The following ATP6V1B1 variants were observed in gnomAD, a reference collection of about 807,000 sequenced individuals.
The protein encoded by ATP6V1B1 is V-type proton ATPase subunit B, kidney isoform.
Under a neutral mutation model 62.1 loss-of-function variants are expected in ATP6V1B1, and 41 were observed. That is an observed-to-expected ratio of 0.66 (90% CI 0.51 to 0.86). ATP6V1B1 has a LOEUF of 0.86. Among genes scored for constraint, ATP6V1B1 ranks in the 40% least tolerant of loss-of-function variants. The probability of loss-of-function intolerance (pLI) is 0.00; values close to 1 mark genes in which losing one functional copy is unlikely to be tolerated. For synonymous variants in ATP6V1B1, 253 were observed against 273.4 expected (o/e 0.93, Z 0.74); for missense variants, 651 against 697.5 (o/e 0.93, Z 0.75).
rs181348813 is a variant in ATP6V1B1 at position 70,963,520 on chromosome 2, G to T, written c.1061-52G>T. On this transcript the variant is annotated intron_variant, in intron 10 of 13. Transcript: ENST00000234396. This position sits in a 1 kb window ranked among gnomAD's most constrained non-coding sequence, Gnocchi z 4.3. ...AAACAGACCCCAGGTGGCCCTGAGT[G>T]GTTGGAGACCTGGGCCCCCACCCAC... 1.4e-5 allele frequency: 22 copies of T among 1,583,242 alleles called. No homozygotes were observed. The Admixed American group carries it at 2.2e-4, about 16-fold the overall frequency.
Position 70,965,114 on chromosome 2 carries a change from C to A in ATP6V1B1, c.1535C>A (p.Ala512Glu). ...GALQDLAPDT[A>E]L ...CTGCAGGACCTCGCGCCTGACACTG[C>A]GCTCTAGCCCCGCGCGCCGTGGCAC... Residue 512 changes from alanine (A) to glutamate (E), a missense_variant, in exon 14 of 14, where the codon GCG becomes GAG. Coordinates refer to ENST00000234396, the MANE Select transcript of ATP6V1B1 (RefSeq NM_001692.4). The A allele has an allele frequency of 6.2e-7, 1 of 1,610,074 alleles. No individual in the cohort carries two copies. Among genetic ancestry groups the A allele is most frequent in the African/African-American group, 1.3e-5 (1 of 75,032 alleles).
intron 8 of ATP6V1B1, among the ~76,000 whole-genome samples, chr2:70,962,155 A>T (rs1009576055): frequency 6.6e-6 from 1 of 152,142 alleles, no homozygotes; most frequent in Non-Finnish European, 1.5e-5. Context: ...GACATCCCCA[A>T]GGGGAAGAGC....
chr2:70,965,361 T>G lies in ATP6V1B1; in HGVS notation c.*240T>G. 1 of 593,800 alleles carries G rather than the reference T, an allele frequency of 1.7e-6. No homozygotes were observed. Among genetic ancestry groups the G allele is most frequent in the Non-Finnish European group, 3.0e-6 (1 of 335,646 alleles). 36.8% of individuals were successfully genotyped at this position (593,800 alleles called of 1,614,324 possible). On this transcript the variant is annotated 3_prime_UTR_variant, in exon 14 of 14. Coordinates refer to ENST00000234396, the MANE Select transcript of ATP6V1B1 (RefSeq NM_001692.4). The stretch of plus-strand genomic sequence containing the variant: ...AACTGAAGGTTGCGATGCCTTACTC[T>G]GACGGGAGCATCTGTATTTTTATGT...
chr2:70,945,699 GAGATATATATATATATATATATATATAT>G (rs1383440544), intron 2 of ATP6V1B1, among the ~76,000 whole-genome samples: 8 of 70,114 alleles, frequency 1.1e-4, no homozygotes, highest in African/African-American at 1.5e-4. Flanking sequence ...GCTATTTGAA[GAGATATATATATATATATATATATATAT>G]ATATATATAT....
At chr2:70,954,418 T>C (rs75176658) in intron 2 of ATP6V1B1, among the ~76,000 whole-genome samples, 3,996 of 152,344 alleles carry the variant, frequency 0.026, 80 homozygotes, top group Middle Eastern at 0.041. Context: ...AACTTACTTT[T>C]ATGGTCAGAG....
intron 2 of ATP6V1B1, among the ~76,000 whole-genome samples, chr2:70,952,641 TC>T (rs1387711747): frequency 2.0e-5 from 3 of 152,302 alleles, no homozygotes; most frequent in Admixed American, 2.0e-4. Flanking sequence ...AGTCTTGCAT[TC>T]TTGGATTAAA....
Position 70,962,900 on chromosome 2 carries a change from G to A in ATP6V1B1, c.909G>A (p.Glu303=), listed in dbSNP as rs782617757. 3 of 1,613,954 alleles carry A rather than the reference G, an allele frequency of 1.9e-6. No individual in the cohort carries two copies. The East Asian group carries it at 6.7e-5, about 36-fold the overall frequency. ...DMSSYAEALR[E]VSAAREEVPG... ...GTTCCTATGCAGAGGCCTTGCGGGA[G>A]GTAAGCTGGCTAGCAAGGGGTGTCA... Residue 303 remains glutamate, a splice_region_variant and synonymous_variant, in exon 9 of 14, where the codon GAG becomes GAA. Transcript: ENST00000234396.
intron 1 of ATP6V1B1, chr2:70,943,416 C>A (rs1680056440): frequency 1.5e-6 from 1 of 654,516 alleles, no homozygotes; most frequent in Non-Finnish European, 2.8e-6. Flanking sequence ...TCTGAGGAGG[C>A]CTCTGCCCTC....
rs1386646570 is a variant in ATP6V1B1 at position 70,964,203 on chromosome 2, G to A, written c.1144-235G>A. On this transcript the variant is annotated intron_variant, in intron 11 of 13. Transcript: ENST00000234396. The stretch of plus-strand genomic sequence containing the variant: ...ATTATCAAAAGTTTTGAAATACTGA[G>A]CCTTTTATTAACTAATGCCATGTCA... 5 of 435,532 alleles carry A rather than the reference G, an allele frequency of 1.1e-5. No individual in the cohort carries two copies. The Admixed American group carries it at 2.0e-4, about 17-fold the overall frequency. The allele number at this position is 435,532 out of a possible 1,614,324, so 27.0% of individuals were successfully genotyped here.
intron 1 of ATP6V1B1, among the ~76,000 whole-genome samples, chr2:70,936,847 G>C (rs1486776114): frequency 6.6e-6 from 1 of 152,034 alleles, no homozygotes; most frequent in Non-Finnish European, 1.5e-5. Context: ...GGGCATGGAA[G>C]TGTCTACAGG....
chr2:70,961,869 C>T, intron 8 of ATP6V1B1, 176 bp downstream of exon 8: 1 of 686,324 alleles, frequency 1.5e-6, no homozygotes, highest in South Asian at 1.7e-5. Flanking sequence ...TAGGAAAACT[C>T]ACAGGCAGAG....
chr2:70,959,003 C>T lies in ATP6V1B1; in HGVS notation c.368-15C>T. The T allele has an allele frequency of 6.2e-7, 1 of 1,613,796 alleles. No individual in the cohort carries two copies. Among genetic ancestry groups the T allele is most frequent in the Non-Finnish European group, 8.5e-7 (1 of 1,179,870 alleles). On this transcript the variant is annotated splice_polypyrimidine_tract_variant and intron_variant, in intron 4 of 13. Coordinates refer to ENST00000234396, the MANE Select transcript of ATP6V1B1 (RefSeq NM_001692.4). The surrounding 1 kb of genome is among the most constrained non-coding windows in gnomAD (Gnocchi z 4.2). ...CTAGCCTGAGCACCCTGCAACACTC[C>T]TCGTCCACCCTCAGGTCGGGTTTTC... is the stretch of plus-strand genomic sequence containing the variant.
chr2:70,963,054 C>T lies in ATP6V1B1; in HGVS notation c.910-108C>T. The T allele has an allele frequency of 6.2e-7, 1 of 1,600,332 alleles. No individual in the cohort carries two copies. Among genetic ancestry groups the T allele is most frequent in the South Asian group, 1.1e-5 (1 of 90,166 alleles). ...GCTTGGTCTCAGCCTGGCCATTCCT[C>T]CCCTGCCCCCCACTCCATTTCTCAC... On this transcript the variant is annotated intron_variant, in intron 9 of 13. Transcript: ENST00000234396. The surrounding 1 kb of genome is among the most constrained non-coding windows in gnomAD (Gnocchi z 4.3).
intron 1 of ATP6V1B1, chr2:70,940,857 T>C: frequency 1.0e-6 from 1 of 985,176 alleles, no homozygotes; most frequent in Non-Finnish European, 1.2e-6. Context: ...ACACCTTTCA[T>C]AATCCATCCA....
rs375489300 is a variant in ATP6V1B1, at chr2:70,958,066, C to T, written c.195C>T (p.Ile65=). The change falls in exon 3 of 14, where the codon ATC becomes ATT. Residue 65 remains isoleucine (I), a synonymous_variant. Transcript: ENST00000234396. ...GCCAGTTTGCCCAGTATGCGGAGAT[C>T]GTCCACTTCACCCTCCCAGATGGGA... ...DRVKFAQYAE[I]VHFTLPDGTQ... 6 of 1,613,940 alleles carry T rather than the reference C, an allele frequency of 3.7e-6. No individual in the cohort carries two copies. The African/African-American group carries it at 4.0e-5, about 11-fold the overall frequency.
chr2:70,956,583 C>A (rs1264457888), intron 2 of ATP6V1B1, among the ~76,000 whole-genome samples: 1 of 152,102 alleles, frequency 6.6e-6, no homozygotes, highest in South Asian at 2.1e-4. Context: ...TTCTTCACAT[C>A]CTCAACACTT....
At chr2:70,960,535 C>T (rs1050580617) in intron 6 of ATP6V1B1, among the ~76,000 whole-genome samples, 24 of 152,278 alleles carry the variant, frequency 1.6e-4, no homozygotes, top group Admixed American at 3.9e-4. Flanking sequence ...CCCCACCCTA[C>T]TGTGACCCTT....
At chr2:70,954,198 A>G (rs1417312652) in intron 2 of ATP6V1B1, among the ~76,000 whole-genome samples, 2 of 152,050 alleles carry the variant, frequency 1.3e-5, no homozygotes, top group African/African-American at 4.8e-5. Context: ...CTCACATTGC[A>G]TACTTTTAGC....
chr2:70,941,959 A>C, intron 1 of ATP6V1B1: 1 of 1,003,106 alleles, frequency 1.0e-6, no homozygotes, highest in Non-Finnish European at 1.2e-6. Flanking sequence ...AAGGTGGGGA[A>C]GGAAAGCCAG....
Sources: allele counts gnomAD v4.1 joint callset (sites outside exome capture counted in the v4.1 genomes callset), GRCh38; gene constraint gnomAD v4.1.1; non-coding constraint Gnocchi (gnomAD v3.1); transcripts MANE v1.5; gene names NCBI Gene and HGNC (gene_info 2026-07-23, HGNC 2026-07-21).